Variants in CMIP observed in about 807,000 individuals in gnomAD.
CMIP encodes the protein C-Maf-inducing protein.
A neutral mutation model predicts 97.3 loss-of-function variants in CMIP; 13 were observed. The ratio of observed to expected loss-of-function variants is 0.13; its 90% CI spans 0.09 to 0.21. The LOEUF (loss-of-function observed/expected upper bound fraction) is 0.21. CMIP is among the 10% of genes least tolerant of loss of function. CMIP has a pLI of 1.00. For missense variants in CMIP, 847 were observed against 1,024.9 expected, an observed-to-expected ratio of 0.83 and a Z score of 2.37; for synonymous variants, 538 against 436.3, an observed-to-expected ratio of 1.23 and a Z score of -2.91.
chr16:81,447,260 A>C lies in CMIP; in HGVS notation c.300+1719A>C, dbSNP rs796874668. Among the ~76,000 whole-genome samples, 186 of 138,032 alleles carry C rather than the reference A, an allele frequency of 1.3e-3. 1 individual carries two copies. The highest frequency in any genetic ancestry group is 4.7e-3 in the African/African-American group (174 of 36,718). The allele number at this position is 138,032 out of a possible 152,430, so 90.6% of individuals were successfully genotyped here. A position where few individuals can be genotyped will look rare whatever the true frequency, so the allele number is the denominator to read the frequency against. On this transcript the variant is annotated intron_variant, in intron 1 of 20. Transcript: ENST00000537098. ...GCTTTTTTTTTTTTTTTCCTCTTAC[A>C]CTCCACAAAATGAAGGGTTGTTGGT...
At chr16:81,656,861 A>G (rs746837969) in intron 4 of CMIP, among the ~76,000 whole-genome samples, 8 of 152,034 alleles carry the variant, frequency 5.3e-5, no homozygotes, top group South Asian at 2.1e-4. Flanking sequence ...GCCTCAAGCA[A>G]TCCACACTCC....
At position 81,709,863 on chromosome 16, in the gene CMIP, G is replaced by A. The variant is rs984640333; in HGVS notation, c.*64G>A. 31 of 1,447,800 alleles carry A rather than the reference G, an allele frequency of 2.1e-5. No individual in the cohort carries two copies. The highest frequency in any genetic ancestry group is 2.1e-4 in the Middle Eastern group (1 of 4,832). 89.7% of individuals were successfully genotyped at this position (1,447,800 alleles called of 1,614,324 possible). On this transcript the variant is annotated 3_prime_UTR_variant, in exon 21 of 21. Coordinates refer to ENST00000537098, the MANE Select transcript of CMIP (RefSeq NM_198390.3). ...ACAAAATAACTCTTGACTAACAGCC[G>A]CAGAGCAGCCGGTCCTGGGGTCCCA... is the stretch of plus-strand genomic sequence containing the variant.
At chr16:81,649,264 A>G (rs2092400068) in intron 3 of CMIP, among the ~76,000 whole-genome samples, 1 of 152,256 alleles carries the variant, frequency 6.6e-6, no homozygotes, top group South Asian at 2.1e-4. Flanking sequence ...GATGCCTGTG[A>G]GGCAAGGGCT....
At chr16:81,629,373 A>G (rs999528073) in intron 3 of CMIP, among the ~76,000 whole-genome samples, 4 of 151,940 alleles carry the variant, frequency 2.6e-5, no homozygotes, top group African/African-American at 9.7e-5. Flanking sequence ...TGAGGTTTGG[A>G]AGCCCAGATC....
intron 1 of CMIP, among the ~76,000 whole-genome samples, chr16:81,467,143 G>C (rs1907250637): frequency 6.6e-6 from 1 of 152,240 alleles, no homozygotes; most frequent in Non-Finnish European, 1.5e-5. Flanking sequence ...AGGCGAGGTT[G>C]TGTGATGTGG....
intron 1 of CMIP, among the ~76,000 whole-genome samples, chr16:81,523,073 C>T (rs747245191): frequency 1.6e-4 from 24 of 152,020 alleles, no homozygotes; most frequent in Non-Finnish European, 2.6e-4. Context: ...ACTACAGGCA[C>T]GCATCACCAC....
At chr16:81,465,319 T>G (rs1185294580) in intron 1 of CMIP, among the ~76,000 whole-genome samples, 1 of 152,218 alleles carries the variant, frequency 6.6e-6, no homozygotes, top group East Asian at 1.9e-4. Flanking sequence ...GATCTTCATT[T>G]AGAAACATAT....
In CMIP at chr16:81,536,928, G is replaced by A. The variant is rs1296407846; in HGVS notation, c.301-70639G>A. Among the ~76,000 whole-genome samples, 6 of 152,190 alleles carry A rather than the reference G, an allele frequency of 3.9e-5. No individual in the cohort carries two copies. The South Asian group carries it at 8.3e-4, about 21-fold the overall frequency. ...CCCCACCCCCTGCCCTGCACCTCCC[G>A]CCAGCCGTTGCTCTCCCCAGGGGTA... On this transcript the variant is annotated intron_variant, in intron 1 of 20. Coordinates refer to ENST00000537098, the MANE Select transcript of CMIP (RefSeq NM_198390.3).
chr16:81,517,924 C>G, intron 1 of CMIP: 9 of 984,158 alleles, frequency 9.1e-6, no homozygotes, highest in Non-Finnish European at 1.1e-5. Context: ...GCCACAGCCA[C>G]GAGATTCAAG....
At chr16:81,514,026 GAAAAACAAC>G (rs899309909) in intron 1 of CMIP, among the ~76,000 whole-genome samples, 1 of 139,320 alleles carries the variant, frequency 7.2e-6, no homozygotes, top group African/African-American at 2.8e-5. Flanking sequence ...TAGTTTAAAA[GAAAAACAAC>G]AAAAACAAAA....
intron 10 of CMIP, among the ~76,000 whole-genome samples, chr16:81,679,770 C>G (rs1014472285): frequency 6.6e-6 from 1 of 152,086 alleles, no homozygotes; most frequent in Non-Finnish European, 1.5e-5. Flanking sequence ...TCCTTGACCC[C>G]TAAGGGTCTC....
intron 3 of CMIP, among the ~76,000 whole-genome samples, chr16:81,650,164 C>T (rs890232241): frequency 6.6e-6 from 1 of 152,200 alleles, no homozygotes; most frequent in Non-Finnish European, 1.5e-5. Flanking sequence ...ACACTCACCC[C>T]CGACAACTTG....
chr16:81,552,158 G>T (rs2090672092), intron 1 of CMIP, among the ~76,000 whole-genome samples: 1 of 152,142 alleles, frequency 6.6e-6, no homozygotes, highest in Non-Finnish European at 1.5e-5. Context: ...CTGCAAGGGG[G>T]CAGGGAGTTG....
intron 1 of CMIP, among the ~76,000 whole-genome samples, chr16:81,567,552 C>T (rs930006160): frequency 3.9e-5 from 6 of 152,230 alleles, no homozygotes; most frequent in Non-Finnish European, 7.3e-5. Context: ...CCTCAGTTTC[C>T]ACTTCACACC....
intron 5 of CMIP, among the ~76,000 whole-genome samples, chr16:81,659,171 T>C (rs1436234345): frequency 6.6e-6 from 1 of 152,222 alleles, no homozygotes; most frequent in Non-Finnish European, 1.5e-5. Context: ...TTTTCTGGCA[T>C]AGTATTAATT....
chr16:81,586,171 C>G (rs571147284), intron 1 of CMIP, among the ~76,000 whole-genome samples: 1 of 152,136 alleles, frequency 6.6e-6, no homozygotes, highest in East Asian at 1.9e-4. Flanking sequence ...CCCCGCCCCA[C>G]ACCTACCTTC....
intron 1 of CMIP, among the ~76,000 whole-genome samples, chr16:81,469,610 G>C (rs139481441): frequency 7.7e-4 from 117 of 152,316 alleles, no homozygotes; most frequent in African/African-American, 2.7e-3. Context: ...CCCAGGGCAG[G>C]TGACGTCAGG....
rs556869525 is a variant in CMIP, at chr16:81,460,760, C to A, written c.300+15219C>A. On this transcript the variant is annotated intron_variant, in intron 1 of 20. Transcript: ENST00000537098. ...GCAACCAAATGGGCATCATGCTGAA[C>A]GTGGGAGAAACAAAAGAATCTCTTG... Among the ~76,000 whole-genome samples the A allele has an allele frequency of 2.0e-5, 3 of 152,100 alleles. No individual in the cohort carries two copies. In the South Asian group the frequency reaches 6.2e-4, roughly 32 times the overall value.
intron 10 of CMIP, among the ~76,000 whole-genome samples, chr16:81,679,660 G>T (rs548369745): frequency 5.5e-4 from 83 of 152,144 alleles, no homozygotes; most frequent in African/African-American, 2.0e-3. Flanking sequence ...GGGCTGCTCT[G>T]GGTGGTGTGG....
Sources: gnomAD v4.1 joint callset for allele counts (sites outside exome capture counted in the v4.1 genomes callset) on GRCh38, gnomAD v4.1.1 for gene constraint, MANE v1.5 for transcripts, NCBI Gene and HGNC (gene_info 2026-07-23, HGNC 2026-07-21) for gene names.